KLHL29: variants seen among roughly 807,000 people sequenced by gnomAD.
KLHL29 encodes the protein kelch-like protein 29.
A neutral mutation model predicts 80.4 loss-of-function variants in KLHL29; 21 were observed. The observed-to-expected ratio is 0.26, with a 90% CI of 0.19 to 0.38. KLHL29 has a LOEUF of 0.38. Ranked by LOEUF, KLHL29 falls within the 10% of genes least tolerant of loss-of-function variation. The pLI is 1.00. For missense variants in KLHL29, 867 were observed against 1,223.9 expected, an observed-to-expected ratio of 0.71 and a Z score of 4.35; for synonymous variants, 511 against 526.8, an observed-to-expected ratio of 0.97 and a Z score of 0.41.
chr2:23,423,701 G>T (rs899739506), intron 1 of KLHL29, among the ~76,000 whole-genome samples: 1 of 152,178 alleles, frequency 6.6e-6, no homozygotes, highest in East Asian at 1.9e-4. Context: ...GGCTCAGGGG[G>T]TGCGGTGTGG....
intron 3 of KLHL29, among the ~76,000 whole-genome samples, chr2:23,627,910 C>CTTTTT (rs10624746): frequency 0.23 from 28,009 of 120,386 alleles, 4,539 homozygotes; most frequent in Middle Eastern, 0.38. Flanking sequence ...GGCCAGGAGT[C>CTTTTT]TTTTTTTTTT....
At position 23,691,699 on chromosome 2, in the gene KLHL29, G is replaced by T. The variant is rs184843294; in HGVS notation, c.1105G>T (p.Gly369Cys). 2 of 1,551,788 alleles carry T rather than the reference G, an allele frequency of 1.3e-6. No individual in the cohort carries two copies. Among genetic ancestry groups the T allele is most frequent in the Admixed American group, 2.0e-5 (1 of 51,012 alleles). The change falls in exon 7 of 14, where the codon GGC (glycine) becomes TGC (cysteine). Residue 369 changes from glycine (G) to cysteine (C), a missense_variant. Gly to Cys is a radical substitution (Grantham distance 159). Coordinates refer to ENST00000486442, the MANE Select transcript of KLHL29 (RefSeq NM_052920.2). ...QRSVQDSGQGGREKLELVLSN... is the reference protein window; with the variant it reads ...QRSVQDSGQGCREKLELVLSN... ...GTCCGTGCAAGACAGCGGCCAGGGC[G>T]GCCGGGAGAAGCTGGAGCTCGTCCT...
intron 2 of KLHL29, among the ~76,000 whole-genome samples, chr2:23,558,368 A>G (rs1207934299): frequency 2.0e-5 from 3 of 151,050 alleles, no homozygotes; most frequent in Non-Finnish European, 4.4e-5. Context: ...CTGTCCTTCA[A>G]GGTTCGAGGT....
In KLHL29 at chr2:23,627,927, G is replaced by A. The variant is rs370460410; in HGVS notation, c.286-11212G>A. 5.8e-4 allele frequency among the ~76,000 whole-genome samples: 5 copies of A among 8,668 alleles called. No individual in the cohort carries two copies. The Admixed American group carries it at 7.8e-3, about 14-fold the overall frequency. 5.7% of individuals were successfully genotyped at this position (8,668 alleles called of 152,430 possible). On this transcript the variant is annotated intron_variant, in intron 3 of 13. Transcript: ENST00000486442. ...CCAGGAGTCTTTTTTTTTTTTTTGA[G>A]ATGGAGTCTCGCTCTTGTCACCCAG...
rs936044211 is a variant in KLHL29, at chr2:23,546,225, G to A, written c.-45-15927G>A. On this transcript the variant is annotated intron_variant, in intron 2 of 13. Coordinates refer to ENST00000486442, the MANE Select transcript of KLHL29 (RefSeq NM_052920.2). ...TGGGCAGGGAATGTGACTGATGGGTGTGAGTAGGGCTTCCACCCAGGCAAC... is the reference window on the plus strand; with the variant it reads ...TGGGCAGGGAATGTGACTGATGGGTATGAGTAGGGCTTCCACCCAGGCAAC... Among the ~76,000 whole-genome samples, 3 of 152,226 alleles carry A rather than the reference G, an allele frequency of 2.0e-5. No homozygotes were observed. In the East Asian group the frequency reaches 5.8e-4, roughly 29 times the overall value.
chr2:23,590,271 A>G lies in KLHL29; in HGVS notation c.285+27790A>G, dbSNP rs985015142. Among the ~76,000 whole-genome samples the G allele has an allele frequency of 9.4e-5, 11 of 117,530 alleles. No individual in the cohort carries two copies. The South Asian group carries it at 3.9e-3, about 42-fold the overall frequency. The allele number at this position is 117,530 out of a possible 152,430, so 77.1% of individuals were successfully genotyped here. A position where few individuals can be genotyped will look rare whatever the true frequency, so the allele number is the denominator to read the frequency against. ...GGAGGGATGCAGCTTTGAAAGAAGCACACATTCTGAAGTTTTTTTGCCTCT... is the reference window on the plus strand; with the variant it reads ...GGAGGGATGCAGCTTTGAAAGAAGCGCACATTCTGAAGTTTTTTTGCCTCT... On this transcript the variant is annotated intron_variant, in intron 3 of 13. Coordinates refer to ENST00000486442, the MANE Select transcript of KLHL29 (RefSeq NM_052920.2).
intron 3 of KLHL29, among the ~76,000 whole-genome samples, chr2:23,626,332 C>T (rs1034212178): frequency 1.3e-5 from 2 of 152,196 alleles, no homozygotes; most frequent in South Asian, 2.1e-4. Flanking sequence ...ACCCATCACT[C>T]GCCTCCTGCT....
chr2:23,542,512 G>A (rs60602431), intron 2 of KLHL29, among the ~76,000 whole-genome samples: 8 of 152,270 alleles, frequency 5.3e-5, no homozygotes, highest in African/African-American at 1.9e-4. Flanking sequence ...TCAGGGTTTG[G>A]CTATTTGGGG....
At chr2:23,539,431 CCTT>C (rs766709245) in intron 2 of KLHL29, among the ~76,000 whole-genome samples, 41,261 of 106,582 alleles carry the variant, frequency 0.39, 12,597 homozygotes, top group East Asian at 0.81. Context: ...TATCCTGCCT[CCTT>C]TTTTTTTTTT....
intron 2 of KLHL29, among the ~76,000 whole-genome samples, chr2:23,483,858 GT>G (rs1461905884): frequency 6.6e-6 from 1 of 152,104 alleles, no homozygotes; most frequent in African/African-American, 2.4e-5. Context: ...GGCCCTTCTT[GT>G]TCCCATGTCA....
chr2:23,636,026 T>C (rs1669598568), intron 3 of KLHL29, among the ~76,000 whole-genome samples: 1 of 152,120 alleles, frequency 6.6e-6, no homozygotes, highest in South Asian at 2.1e-4. Flanking sequence ...TTCTGAACCA[T>C]GGGAGGAAAG....
chr2:23,649,293 G>A (rs1023665659), intron 5 of KLHL29, among the ~76,000 whole-genome samples: 1 of 152,150 alleles, frequency 6.6e-6, no homozygotes, highest in African/African-American at 2.4e-5. Flanking sequence ...CGTGGAATTC[G>A]AAACTCCATC....
chr2:23,535,026 A>G (rs964009004), intron 2 of KLHL29, among the ~76,000 whole-genome samples: 1 of 152,228 alleles, frequency 6.6e-6, no homozygotes, highest in Non-Finnish European at 1.5e-5. Flanking sequence ...AGGCAGGTGC[A>G]TGCATTTGTC....
intron 1 of KLHL29, among the ~76,000 whole-genome samples, chr2:23,391,369 A>G (rs1307404322): frequency 6.6e-6 from 1 of 152,184 alleles, no homozygotes; most frequent in Non-Finnish European, 1.5e-5. Flanking sequence ...CAGGAGTATA[A>G]GACATCCTGT....
At chr2:23,595,671 T>TG (rs1011551823) in intron 3 of KLHL29, among the ~76,000 whole-genome samples, 1 of 152,102 alleles carries the variant, frequency 6.6e-6, no homozygotes, top group Non-Finnish European at 1.5e-5. Flanking sequence ...CCTGGTCACT[T>TG]GGGGGGCAGA....
At chr2:23,703,155 G>T in intron 11 of KLHL29, 31 bp from the exon 12 acceptor site, 2 of 1,393,430 alleles carry the variant, frequency 1.4e-6, no homozygotes, top group South Asian at 3.4e-5. Context: ...GGTCCATCTT[G>T]ACCCTGGGCT....
intron 3 of KLHL29, among the ~76,000 whole-genome samples, chr2:23,615,746 G>T (rs986049149): frequency 2.0e-5 from 3 of 152,172 alleles, no homozygotes; most frequent in Non-Finnish European, 2.9e-5. Context: ...TTATGCACCT[G>T]TTAGGGTCAC....
chr2:23,596,362 A>G lies in KLHL29; in HGVS notation c.285+33881A>G, dbSNP rs1195881260. ...AGGCTTCAGCTACCAACACGCCCCT[A>G]TGAGTCTCTGTCTCCGAGCAGAGGT... On this transcript the variant is annotated intron_variant, in intron 3 of 13. Coordinates refer to ENST00000486442, the MANE Select transcript of KLHL29 (RefSeq NM_052920.2). This position sits in a 1 kb window ranked among gnomAD's most constrained non-coding sequence, Gnocchi z 4.4. Among the ~76,000 whole-genome samples the G allele has an allele frequency of 6.6e-6, 1 of 152,128 alleles. No individual in the cohort carries two copies. The highest frequency in any genetic ancestry group is 2.4e-5 in the African/African-American group (1 of 41,432).
intron 1 of KLHL29, among the ~76,000 whole-genome samples, chr2:23,404,740 C>T (rs769288446): frequency 4.6e-4 from 70 of 152,242 alleles, no homozygotes; most frequent in Non-Finnish European, 7.6e-4. Flanking sequence ...CCAACACTTC[C>T]GGCCAGGAAT....
Sources: allele counts gnomAD v4.1 joint callset (sites outside exome capture counted in the v4.1 genomes callset), GRCh38; gene constraint gnomAD v4.1.1; non-coding constraint Gnocchi (gnomAD v3.1); transcripts MANE v1.5; gene names NCBI Gene and HGNC (gene_info 2026-07-23, HGNC 2026-07-21).